MKRN2: variants seen among roughly 807,000 people sequenced by gnomAD.
The protein encoded by MKRN2 is E3 ubiquitin-protein ligase makorin-2.
In MKRN2, 32 loss-of-function variants were observed where a neutral mutation model predicts 45.4. The ratio of observed to expected loss-of-function variants is 0.70; its 90% CI spans 0.53 to 0.95. The LOEUF (loss-of-function observed/expected upper bound fraction) is 0.95. Ranked by LOEUF, MKRN2 falls within the 40% of genes least tolerant of loss-of-function variation. The pLI is 0.00. For synonymous variants in MKRN2, 206 were observed against 192.4 expected, an observed-to-expected ratio of 1.07 and a Z score of -0.59; for missense variants, 526 against 536.7, an observed-to-expected ratio of 0.98 and a Z score of 0.20.
chr3:12,582,110 T>C lies in MKRN2; in HGVS notation c.1114-6T>C. 3 of 1,614,144 alleles carry C rather than the reference T, an allele frequency of 1.9e-6. No individual in the cohort carries two copies. Among genetic ancestry groups the C allele is most frequent in the Non-Finnish European group, 1.7e-6 (2 of 1,180,010 alleles). ...AACCAGGCATGTCCACTGGCTGTTT[T>C]TGCAGTTCTTTAATTCAGTGCGGCT... On this transcript the variant is annotated splice_polypyrimidine_tract_variant and splice_region_variant and intron_variant, in intron 7 of 7. Transcript: ENST00000170447.
intron 1 of MKRN2, among the ~76,000 whole-genome samples, chr3:12,565,798 C>G (rs753253976): frequency 6.6e-6 from 1 of 152,080 alleles, no homozygotes; most frequent in Non-Finnish European, 1.5e-5. Flanking sequence ...CCTTGGCCTC[C>G]CAAAGTGCTG....
chr3:12,572,930 C>G (rs1002303565), intron 4 of MKRN2, among the ~76,000 whole-genome samples: 1 of 152,116 alleles, frequency 6.6e-6, no homozygotes, highest in African/African-American at 2.4e-5. Flanking sequence ...AAAAAGAAGT[C>G]GTATCTGAAA....
chr3:12,571,211 A>G (rs2058097256), intron 3 of MKRN2, among the ~76,000 whole-genome samples: 2 of 151,994 alleles, frequency 1.3e-5, no homozygotes, highest in Non-Finnish European at 2.9e-5. Context: ...CCCGGGTTCA[A>G]GGGATTCTCT....
rs1407122263 is a variant in MKRN2, at chr3:12,582,300, T to C, written c.*47T>C. 1.2e-6 allele frequency: 2 copies of C among 1,608,352 alleles called. No homozygotes were observed. The highest frequency in any genetic ancestry group is 8.5e-7 in the Non-Finnish European group (1 of 1,175,652). On this transcript the variant is annotated 3_prime_UTR_variant, in exon 8 of 8. Coordinates refer to ENST00000170447, the MANE Select transcript of MKRN2 (RefSeq NM_014160.5). ...TCTTGGGCTCCATCGGCCGAAACTT[T>C]CCCAAGCCAGGGTGTGCGGAGCTTC... is the stretch of plus-strand genomic sequence containing the variant.
At chr3:12,571,535 C>T (rs2058099265) in intron 3 of MKRN2, among the ~76,000 whole-genome samples, 1 of 152,274 alleles carries the variant, frequency 6.6e-6, no homozygotes, top group African/African-American at 2.4e-5. Flanking sequence ...TACGTGACCT[C>T]TAAACAAGCT....
chr3:12,576,189 A>ATATGTG (rs1398365999), intron 5 of MKRN2, among the ~76,000 whole-genome samples: 2,584 of 143,222 alleles, frequency 0.018, 77 homozygotes, highest in African/African-American at 0.062. Context: ...GAAACCATAT[A>ATATGTG]TGTGTGTGTG....
At chr3:12,567,481 C>CTTTTTTTTT (rs35726193) in intron 1 of MKRN2, among the ~76,000 whole-genome samples, 6 of 76,976 alleles carry the variant, frequency 7.8e-5, no homozygotes, top group East Asian at 3.3e-4. Context: ...GCTAGTTTAT[C>CTTTTTTTTT]TTTTTTTTTT....
chr3:12,579,574 A>C (rs374753116), intron 6 of MKRN2, among the ~76,000 whole-genome samples: 35 of 152,318 alleles, frequency 2.3e-4, no homozygotes, highest in African/African-American at 7.0e-4. Context: ...AAGCACTTGG[A>C]TCCACCGGGG....
chr3:12,575,368 C>G (rs538599037), intron 5 of MKRN2, among the ~76,000 whole-genome samples: 1 of 152,026 alleles, frequency 6.6e-6, no homozygotes, highest in Non-Finnish European at 1.5e-5. Flanking sequence ...TCGTTTTTTC[C>G]CCCCACCAAA....
rs189396970 is a variant in MKRN2 at position 12,575,851 on chromosome 3, G to C, written c.858-780G>C. 1.5e-3 allele frequency among the ~76,000 whole-genome samples: 232 copies of C among 152,330 alleles called. 1 individual carries two copies. Among genetic ancestry groups the C allele is most frequent in the Middle Eastern group, 3.4e-3 (1 of 294 alleles). ...TTCATCCCGACTGTAGCATGTGCCAGAGTCCCCTTCTCCTGGCGGAATATG... is the reference window on the plus strand; with the variant it reads ...TTCATCCCGACTGTAGCATGTGCCACAGTCCCCTTCTCCTGGCGGAATATG... On this transcript the variant is annotated intron_variant, in intron 5 of 7. Transcript: ENST00000170447.
intron 4 of MKRN2, 137 bp downstream of exon 4, chr3:12,572,510 T>TCC (rs1034485064): frequency 1.7e-4 from 122 of 730,436 alleles, no homozygotes; most frequent in Middle Eastern, 3.0e-4. Flanking sequence ...TCCACAGGCA[T>TCC]CCCCCTGCCA....
intron 2 of MKRN2, 73 bp from the exon 3 acceptor site, chr3:12,569,998 T>C (rs919314837): frequency 1.4e-5 from 20 of 1,403,134 alleles, no homozygotes; most frequent in East Asian, 2.3e-5. Context: ...AGGAGGGCCA[T>C]TGGCATCTGG....
chr3:12,579,318 C>T (rs554814807), intron 6 of MKRN2, among the ~76,000 whole-genome samples: 5 of 152,096 alleles, frequency 3.3e-5, no homozygotes, highest in Admixed American at 2.0e-4. Flanking sequence ...GTGTGCGCCA[C>T]GACACCCAGC....
In MKRN2 at chr3:12,574,815, C is replaced by A; in HGVS notation, c.666C>A (p.His222Gln). ...AGATCTGCATGTTGACGTTCGAACA[C>A]GAGATGGAAAAGGCCTTTGCCTTCC... ...HEKICMLTFE[H>Q]EMEKAFAFQA... Residue 222 changes from histidine to glutamine, a missense_variant, in exon 5 of 8, where the codon CAC becomes CAA. Physicochemically the swap from His to Gln is conservative, Grantham distance 24. Coordinates refer to ENST00000170447, the MANE Select transcript of MKRN2 (RefSeq NM_014160.5). The A allele has an allele frequency of 6.2e-7, 1 of 1,613,758 alleles. No individual in the cohort carries two copies. Among genetic ancestry groups the A allele is most frequent in the East Asian group, 2.2e-5 (1 of 44,874 alleles).
rs778866928 is a variant in MKRN2, at chr3:12,581,946, T to C, written c.1107T>C (p.Thr369=). The change falls in exon 7 of 8, where the codon ACT becomes ACC. Residue 369 remains threonine, a synonymous_variant. Coordinates refer to ENST00000170447, the MANE Select transcript of MKRN2 (RefSeq NM_014160.5). The stretch of plus-strand genomic sequence containing the variant: ...GGAAACAGCTCAGTTCTCAAGGCAC[T>C]GTGAGGGTAAGGACTTTAGCCATCT... ...KPRKQLSSQG[T]VRFFNSVRLW... 1 of 1,613,960 alleles carries C rather than the reference T, an allele frequency of 6.2e-7. No homozygotes were observed.
At chr3:12,557,400 C>T (rs978178437) in intron 1 of MKRN2, among the ~76,000 whole-genome samples, 8 of 152,212 alleles carry the variant, frequency 5.3e-5, no homozygotes, top group Admixed American at 4.6e-4. Flanking sequence ...CGGGGGGCTA[C>T]GCCCCGAGTT....
At chr3:12,557,877 G>A (rs2057994739) in intron 1 of MKRN2, among the ~76,000 whole-genome samples, 1 of 152,210 alleles carries the variant, frequency 6.6e-6, no homozygotes, top group Non-Finnish European at 1.5e-5. Context: ...AAATGCGACG[G>A]TAATGGATGG....
chr3:12,580,392 C>T (rs1454859082), intron 6 of MKRN2, among the ~76,000 whole-genome samples: 1 of 152,130 alleles, frequency 6.6e-6, no homozygotes, highest in Non-Finnish European at 1.5e-5. Context: ...TCTCCAGCCA[C>T]CTGTGCTCAA....
chr3:12,559,111 G>A (rs2058012324), intron 1 of MKRN2, among the ~76,000 whole-genome samples: 1 of 152,162 alleles, frequency 6.6e-6, no homozygotes, highest in Non-Finnish European at 1.5e-5. Context: ...CTCATACAAG[G>A]ATATGTAAAA....
Sources: allele counts gnomAD v4.1 joint callset (sites outside exome capture counted in the v4.1 genomes callset), GRCh38; gene constraint gnomAD v4.1.1; transcripts MANE v1.5; gene names NCBI Gene and HGNC (gene_info 2026-07-23, HGNC 2026-07-21).